SCP2: variants seen among roughly 807,000 people sequenced by gnomAD.
The protein encoded by SCP2 is SCP-2/3-oxoacyl-CoA thiolase.
Under a neutral mutation model 71.4 loss-of-function variants are expected in SCP2, and 48 were observed. The ratio of observed to expected loss-of-function variants is 0.67; its 90% CI spans 0.53 to 0.86. The LOEUF is 0.86. Among genes scored for constraint, SCP2 ranks in the 40% least tolerant of loss-of-function variants. SCP2 has a pLI of 0.00. For synonymous variants in SCP2, 220 were observed against 218.1 expected (o/e 1.01, Z -0.08); for missense variants, 560 against 655.6 (o/e 0.85, Z 1.59).
At chr1:53,013,413 G>A (rs189971914) in intron 11 of SCP2, among the ~76,000 whole-genome samples, 60 of 130,202 alleles carry the variant, frequency 4.6e-4, no homozygotes, top group African/African-American at 1.6e-3. Flanking sequence ...GTGAAACCCC[G>A]TCTCTACTAA....
intron 11 of SCP2, among the ~76,000 whole-genome samples, chr1:53,003,712 A>G (rs1052630316): frequency 6.6e-5 from 10 of 152,050 alleles, no homozygotes; most frequent in Non-Finnish European, 1.2e-4. Context: ...TCTTTTGTAG[A>G]GATGGGGTCT....
At chr1:52,968,537 T>A (rs1657179132) in intron 6 of SCP2, among the ~76,000 whole-genome samples, 1 of 152,206 alleles carries the variant, frequency 6.6e-6, no homozygotes, top group South Asian at 2.1e-4. Context: ...TCTTTTAAAG[T>A]GTACAATTCA....
At chr1:52,932,568 G>C (rs776256510) in intron 1 of SCP2, among the ~76,000 whole-genome samples, 11 of 152,158 alleles carry the variant, frequency 7.2e-5, no homozygotes, top group Non-Finnish European at 1.3e-4. Flanking sequence ...AAAGCCCCAG[G>C]GTGGCATCTG....
Position 53,035,824 on chromosome 1 carries a change from C to A in SCP2, c.1339-3093C>A, listed in dbSNP as rs538480757. ...TGTGAGGGTAGTTACTGTTTTATTC[C>A]CATTTAACAGATAAGATAACCGAGA... On this transcript the variant is annotated intron_variant, in intron 13 of 15. Coordinates refer to ENST00000371514, the MANE Select transcript of SCP2 (RefSeq NM_002979.5). Among the ~76,000 whole-genome samples, 70 of 151,882 alleles carry A rather than the reference C, an allele frequency of 4.6e-4. 1 individual carries two copies. The highest frequency in any genetic ancestry group is 2.1e-3 in the South Asian group (10 of 4,808).
At chr1:52,990,715 C>T (rs989549427) in intron 11 of SCP2, among the ~76,000 whole-genome samples, 4 of 106,546 alleles carry the variant, frequency 3.8e-5, no homozygotes, top group Non-Finnish European at 1.7e-5. Context: ...GCCTGGACGA[C>T]AGAGTGAGAC....
intron 10 of SCP2, among the ~76,000 whole-genome samples, chr1:52,986,760 A>G (rs963182360): frequency 1.3e-5 from 2 of 151,996 alleles, no homozygotes; most frequent in Admixed American, 1.3e-4. Context: ...ATCACTCAGT[A>G]TCTGTGGGGT....
chr1:52,954,152 T>TA (rs112237597), intron 4 of SCP2, among the ~76,000 whole-genome samples: 8,286 of 150,932 alleles, frequency 0.055, 385 homozygotes, highest in African/African-American at 0.12. Context: ...CTACAAAAAA[T>TA]AAAAAAATTA....
chr1:53,042,844 T>G (rs1663531287), intron 14 of SCP2, among the ~76,000 whole-genome samples: 1 of 152,210 alleles, frequency 6.6e-6, no homozygotes. Context: ...GATTATATTA[T>G]GGATTTTTAG....
intron 2 of SCP2, among the ~76,000 whole-genome samples, chr1:52,947,306 C>T (rs1654899708): frequency 6.7e-6 from 1 of 150,290 alleles, no homozygotes; most frequent in Non-Finnish European, 1.5e-5. Context: ...GGCCTGTTCC[C>T]CATGGACAAC....
At chr1:52,943,125 CTT>C (rs1295466304) in intron 2 of SCP2, among the ~76,000 whole-genome samples, 1 of 152,016 alleles carries the variant, frequency 6.6e-6, no homozygotes, top group East Asian at 1.9e-4. Context: ...CTTAGGTGCC[CTT>C]TGACTCCATG....
intron 8 of SCP2, among the ~76,000 whole-genome samples, chr1:52,978,014 A>G (rs1002883520): frequency 4.6e-5 from 7 of 152,048 alleles, no homozygotes; most frequent in Non-Finnish European, 8.8e-5. Context: ...CCAAGTAGTG[A>G]TTGACAACAT....
intron 12 of SCP2, among the ~76,000 whole-genome samples, chr1:53,021,750 T>C (rs1273652182): frequency 6.6e-6 from 1 of 151,522 alleles, no homozygotes; most frequent in Admixed American, 6.6e-5. Context: ...GTTCAAGCGA[T>C]TCTTGTGCCT....
chr1:52,930,398 G>T (rs1439113830), intron 1 of SCP2, among the ~76,000 whole-genome samples: 1 of 152,076 alleles, frequency 6.6e-6, no homozygotes, highest in Non-Finnish European at 1.5e-5. Flanking sequence ...GCTGAGGTGG[G>T]TGTATCTCTT....
chr1:52,977,595 T>A (rs1658092914), intron 8 of SCP2, among the ~76,000 whole-genome samples: 1 of 152,236 alleles, frequency 6.6e-6, no homozygotes, highest in Admixed American at 6.5e-5. Context: ...AGGATAGGAA[T>A]AACCTTTTGG....
intron 13 of SCP2, among the ~76,000 whole-genome samples, chr1:53,028,993 C>G (rs780033698): frequency 1.4e-4 from 21 of 152,118 alleles, no homozygotes; most frequent in Non-Finnish European, 2.8e-4. Flanking sequence ...TCAGGCTGGT[C>G]TTGAACTCCT....
intron 11 of SCP2, among the ~76,000 whole-genome samples, chr1:53,013,656 A>G (rs1572186032): frequency 6.6e-6 from 1 of 152,082 alleles, no homozygotes. Flanking sequence ...TGTTGTCCAC[A>G]CTGGGAGCTA....
intron 13 of SCP2, among the ~76,000 whole-genome samples, chr1:53,036,195 TTATA>T (rs1662938544): frequency 6.6e-6 from 1 of 150,556 alleles, no homozygotes; most frequent in Non-Finnish European, 1.5e-5. Flanking sequence ...ATTAGGATAA[TTATA>T]TTAAACAAAA....
At chr1:52,971,771 G>C (rs953858443) in intron 6 of SCP2, among the ~76,000 whole-genome samples, 1 of 152,190 alleles carries the variant, frequency 6.6e-6, no homozygotes, top group East Asian at 1.9e-4. Flanking sequence ...CGTGGGGCAG[G>C]TCCCTTTCTG....
At chr1:53,020,456 C>T (rs1207535795) in intron 12 of SCP2, among the ~76,000 whole-genome samples, 1 of 151,768 alleles carries the variant, frequency 6.6e-6, no homozygotes, top group East Asian at 1.9e-4. Flanking sequence ...ATAGTTTTAT[C>T]TTAGTTTAAT....
Sources: allele counts gnomAD v4.1 joint callset (sites outside exome capture counted in the v4.1 genomes callset), GRCh38; gene constraint gnomAD v4.1.1; transcripts MANE v1.5; gene names NCBI Gene and HGNC (gene_info 2026-07-23, HGNC 2026-07-21).